The following JMY variants were observed in gnomAD, a reference collection of about 807,000 sequenced individuals.
The protein encoded by JMY is junction mediating and regulatory protein, p53 cofactor, also known as junction-mediating and -regulatory protein.
Under a neutral mutation model 103.3 loss-of-function variants are expected in JMY, and 46 were observed. The observed-to-expected ratio is 0.45, with a 90% CI of 0.35 to 0.57. The LOEUF (loss-of-function observed/expected upper bound fraction) is 0.57, where lower values mean the gene tolerates loss of function less well. JMY is among the 20% of genes least tolerant of loss of function. JMY has a pLI of 0.00. For missense variants in JMY, 1,238 were observed against 1,255.2 expected (o/e 0.99, Z 0.21); for synonymous variants, 526 against 489.3 (o/e 1.07, Z -0.99).
intron 2 of JMY, 86 bp downstream of exon 2, chr5:79,278,169 T>TAA: frequency 1.1e-6 from 1 of 906,254 alleles, no homozygotes; most frequent in Non-Finnish European, 1.5e-6. Context: ...AAGAGGAACT[T>TAA]TAAAAAAAAA....
chr5:79,270,761 G>A (rs976982696), intron 1 of JMY, among the ~76,000 whole-genome samples: 1 of 148,062 alleles, frequency 6.8e-6, no homozygotes, highest in Non-Finnish European at 1.5e-5. Context: ...CATTAAATAT[G>A]TTAGCTCAAG....
At chr5:79,253,539 A>G (rs776710677) in intron 1 of JMY, among the ~76,000 whole-genome samples, 1 of 152,006 alleles carries the variant, frequency 6.6e-6, no homozygotes, top group Admixed American at 6.6e-5. Context: ...TGATCTGCCC[A>G]CCGCAGCCTC....
rs1212228335 is a variant in JMY at position 79,322,964 on chromosome 5, C to T, written c.*1362C>T. ...GCCCAGTGTATATGAATTGGTATTC[C>T]TAGAGAAAAAAAGAAATGCTCACAC... is the stretch of plus-strand genomic sequence containing the variant. On this transcript the variant is annotated 3_prime_UTR_variant, in exon 11 of 11. Transcript: ENST00000396137. 2 of 151,978 alleles carry T rather than the reference C, an allele frequency of 1.3e-5. No individual in the cohort carries two copies. Among genetic ancestry groups the T allele is most frequent in the African/African-American group, 4.8e-5 (2 of 41,374 alleles). 9.4% of individuals were successfully genotyped at this position (151,978 alleles called of 1,614,324 possible).
chr5:79,252,392 A>G (rs192228229), intron 1 of JMY, among the ~76,000 whole-genome samples: 22 of 148,014 alleles, frequency 1.5e-4, no homozygotes, highest in Admixed American at 5.4e-4. Context: ...AACATGGCCT[A>G]TCCTTGAGAG....
At chr5:79,316,401 C>A in intron 10 of JMY, 91 bp downstream of exon 10, 1 of 983,900 alleles carries the variant, frequency 1.0e-6, no homozygotes, top group Non-Finnish European at 1.5e-6. Flanking sequence ...GAGCCTGAGG[C>A]ATATCGTTTG....
In JMY at chr5:79,270,545, A is replaced by T. The variant is rs1345201220; in HGVS notation, c.1033-7365A>T. ...AATATATATTTACATAAATATTTAAAATGTATATTTACATAAATATTTAAA... is the reference window on the plus strand; with the variant it reads ...AATATATATTTACATAAATATTTAATATGTATATTTACATAAATATTTAAA... On this transcript the variant is annotated intron_variant, in intron 1 of 10. Coordinates refer to ENST00000396137, the MANE Select transcript of JMY (RefSeq NM_152405.5). Among the ~76,000 whole-genome samples, 871 of 128,038 alleles carry T rather than the reference A, an allele frequency of 6.8e-3. 191 individuals are homozygous for T. Among genetic ancestry groups the T allele is most frequent in the South Asian group, 0.016 (64 of 4,110 alleles). 84.0% of individuals were successfully genotyped at this position (128,038 alleles called of 152,430 possible).
chr5:79,320,656 A>G (rs1677634832), intron 10 of JMY, among the ~76,000 whole-genome samples: 1 of 152,168 alleles, frequency 6.6e-6, no homozygotes, highest in Admixed American at 6.5e-5. Flanking sequence ...AGTTCAAAGG[A>G]AATATAGTTT....
intron 1 of JMY, among the ~76,000 whole-genome samples, chr5:79,270,954 T>C (rs1745766192): frequency 6.6e-6 from 1 of 151,952 alleles, no homozygotes; most frequent in South Asian, 2.1e-4. Flanking sequence ...GAGCTAGCCT[T>C]TTGTATACTT....
chr5:79,289,213 C>A (rs1207861110), intron 2 of JMY, among the ~76,000 whole-genome samples: 3 of 121,202 alleles, frequency 2.5e-5, no homozygotes, highest in Non-Finnish European at 3.3e-5. Context: ...CCAACCTGGA[C>A]AACAAAGCGA....
chr5:79,266,203 T>G (rs1263444309), intron 1 of JMY, among the ~76,000 whole-genome samples: 7 of 152,216 alleles, frequency 4.6e-5, no homozygotes, highest in Non-Finnish European at 1.0e-4. Context: ...TAAATTTGTT[T>G]GGGAGTTTGA....
intron 2 of JMY, among the ~76,000 whole-genome samples, chr5:79,285,807 A>G (rs1247866909): frequency 6.6e-6 from 1 of 152,098 alleles, no homozygotes; most frequent in Non-Finnish European, 1.5e-5. Context: ...TCACAGATTT[A>G]TCTTGGCATT....
intron 6 of JMY, among the ~76,000 whole-genome samples, chr5:79,305,230 TCA>T (rs2112111334): frequency 6.6e-6 from 1 of 152,280 alleles, no homozygotes; most frequent in African/African-American, 2.4e-5. Context: ...GGTGGGCAGA[TCA>T]CTTGAGGTCA....
chr5:79,317,062 A>AG (rs745577897), intron 10 of JMY, among the ~76,000 whole-genome samples: 72 of 106,558 alleles, frequency 6.8e-4, no homozygotes, highest in Non-Finnish European at 1.2e-3. Context: ...TCAATACGTC[A>AG]ATTTTTTTTT....
chr5:79,261,153 A>G lies in JMY; in HGVS notation c.1033-16757A>G, dbSNP rs559525604. ...GGTTCCTAAATAAGATGGCTACAAG[A>G]TGAAAAGCTACATGCTTCCGCCATA... On this transcript the variant is annotated intron_variant, in intron 1 of 10. Coordinates refer to ENST00000396137, the MANE Select transcript of JMY (RefSeq NM_152405.5). 2.0e-5 allele frequency among the ~76,000 whole-genome samples: 3 copies of G among 152,322 alleles called. No homozygotes were observed. The East Asian group carries it at 5.8e-4, about 29-fold the overall frequency.
chr5:79,292,748 G>A (rs1484832968), intron 4 of JMY, among the ~76,000 whole-genome samples: 1 of 152,156 alleles, frequency 6.6e-6, no homozygotes, highest in African/African-American at 2.4e-5. Context: ...TAGAGTAGTA[G>A]AGGAAAAACG....
chr5:79,300,645 A>G, intron 5 of JMY, 31 bp from the exon 6 acceptor site: 1 of 1,539,208 alleles, frequency 6.5e-7, no homozygotes. Flanking sequence ...CATATTCTTT[A>G]CCACTACTCT....
At chr5:79,290,469 A>C (rs1331878349) in intron 3 of JMY, among the ~76,000 whole-genome samples, 198 bp downstream of exon 3, 1 of 151,896 alleles carries the variant, frequency 6.6e-6, no homozygotes, top group African/African-American at 2.4e-5. Flanking sequence ...ATATAATTTA[A>C]ATATGAATAG....
At chr5:79,312,675 G>C (rs1747091218) in intron 8 of JMY, among the ~76,000 whole-genome samples, 177 bp downstream of exon 8, 1 of 151,898 alleles carries the variant, frequency 6.6e-6, no homozygotes. Flanking sequence ...CATTTCCTCT[G>C]GTGGTTTTCC....
intron 4 of JMY, among the ~76,000 whole-genome samples, chr5:79,294,386 G>A (rs1304782262): frequency 2.0e-5 from 3 of 151,984 alleles, no homozygotes; most frequent in South Asian, 2.1e-4. Flanking sequence ...CAGCTTGGGC[G>A]ACAGAGTGAG....
Sources: gnomAD v4.1 joint callset for allele counts (sites outside exome capture counted in the v4.1 genomes callset) on GRCh38, gnomAD v4.1.1 for gene constraint, MANE v1.5 for transcripts, NCBI Gene and HGNC (gene_info 2026-07-23, HGNC 2026-07-21) for gene names.